Variants in DAB1 observed in about 807,000 individuals in gnomAD.
DAB1 encodes DAB adaptor protein 1.
DAB1 carries 15 observed loss-of-function variants against 64.6 expected under a neutral mutation model. The ratio of observed to expected loss-of-function variants is 0.23; its 90% CI spans 0.16 to 0.36. The LOEUF (loss-of-function observed/expected upper bound fraction) is 0.36, where lower values mean the gene tolerates loss of function less well. Ranked by LOEUF, DAB1 falls within the 10% of genes least tolerant of loss-of-function variation. The probability of loss-of-function intolerance (pLI) is 1.00; values close to 1 mark genes in which losing one functional copy is unlikely to be tolerated. For missense variants in DAB1, 596 were observed against 706.7 expected (o/e 0.84, Z 1.78); for synonymous variants, 235 against 251.9 (o/e 0.93, Z 0.64).
At chr1:57,889,100 G>A (rs1267512447) in intron 5 of DAB1, among the ~76,000 whole-genome samples, 8 of 152,110 alleles carry the variant, frequency 5.3e-5, no homozygotes, top group Non-Finnish European at 7.4e-5. Flanking sequence ...TTCCTTTCAC[G>A]AGCTTGAGTT....
chr1:58,129,552 G>A lies in DAB1; in HGVS notation n.387+20959C>T, dbSNP rs1481692601. 3.8e-5 allele frequency among the ~76,000 whole-genome samples: 5 copies of A among 133,252 alleles called. No individual in the cohort carries two copies. The East Asian group carries it at 6.8e-4, about 18-fold the overall frequency. 87.4% of individuals were successfully genotyped at this position (133,252 alleles called of 152,430 possible). A position where few individuals can be genotyped will look rare whatever the true frequency, so the allele number is the denominator to read the frequency against. ...CTAGTTCTTTTAATTGTGATGTTAC[G>A]GTGTCAATTTTGGATCTTTCCTGCT... On this transcript the variant is annotated intron_variant and non_coding_transcript_variant, in intron 5 of 20. Coordinates refer to the DAB1 transcript ENST00000485760.
rs928747507 is a variant in DAB1, at chr1:58,287,158, C to G, written n.309+56194G>C. ...ACAGGGAGGGAACACACACTGGGGC[C>G]TGTTAGGGCTGGAGGGAGGGAGAGC... is the stretch of plus-strand genomic sequence containing the variant. On this transcript the variant is annotated intron_variant and non_coding_transcript_variant, in intron 4 of 20. Transcript: ENST00000485760. Among the ~76,000 whole-genome samples the G allele has an allele frequency of 3.9e-5, 6 of 152,094 alleles. No individual in the cohort carries two copies. In the East Asian group the frequency reaches 5.8e-4, roughly 15 times the overall value.
chr1:57,645,702 T>C (rs1181117408), intron 7 of DAB1, among the ~76,000 whole-genome samples: 1 of 152,230 alleles, frequency 6.6e-6, no homozygotes, highest in East Asian at 1.9e-4. Flanking sequence ...ATTTTCCTGA[T>C]GTGAAACTGA....
At chr1:58,522,375 A>AT (rs1440695591) in intron 2 of DAB1, among the ~76,000 whole-genome samples, 1 of 152,206 alleles carries the variant, frequency 6.6e-6, no homozygotes, top group Non-Finnish European at 1.5e-5. Flanking sequence ...TATATACATA[A>AT]TTTTTTTAAA....
intron 3 of DAB1, among the ~76,000 whole-genome samples, chr1:58,374,483 T>A (rs1018036197): frequency 3.3e-5 from 5 of 151,834 alleles, no homozygotes; most frequent in African/African-American, 1.2e-4. Flanking sequence ...AAAGATCACA[T>A]AGTTGTAGGT....
At chr1:57,729,527 G>A (rs1437183558) in intron 6 of DAB1, among the ~76,000 whole-genome samples, 9 of 152,222 alleles carry the variant, frequency 5.9e-5, no homozygotes, top group Non-Finnish European at 1.2e-4. Flanking sequence ...GAACTGAGAA[G>A]CCACATAAAT....
intron 8 of DAB1, among the ~76,000 whole-genome samples, chr1:57,068,062 C>T (rs1360212793): frequency 6.6e-6 from 1 of 152,086 alleles, no homozygotes; most frequent in African/African-American, 2.4e-5. Flanking sequence ...CACCCCGCCC[C>T]CACTGCAATC....
At chr1:58,091,275 A>C (rs1411413935) in intron 5 of DAB1, among the ~76,000 whole-genome samples, 1 of 152,154 alleles carries the variant, frequency 6.6e-6, no homozygotes, top group Non-Finnish European at 1.5e-5. Context: ...AGAGCCTATA[A>C]AATGTTTGTT....
chr1:58,161,082 G>T (rs570454803), intron 4 of DAB1, among the ~76,000 whole-genome samples: 37 of 152,220 alleles, frequency 2.4e-4, no homozygotes, highest in African/African-American at 8.9e-4. Context: ...GCAGGAAGAT[G>T]GGACACAAGT....
At chr1:58,344,013 T>C (rs1643968420) in intron 3 of DAB1, among the ~76,000 whole-genome samples, 1 of 152,288 alleles carries the variant, frequency 6.6e-6, no homozygotes, top group African/African-American at 2.4e-5. Flanking sequence ...GTCTCCTTAA[T>C]GATAAAATGA....
chr1:57,853,462 T>C (rs1216780630), intron 1 of DAB1, among the ~76,000 whole-genome samples: 1 of 152,184 alleles, frequency 6.6e-6, no homozygotes, highest in Non-Finnish European at 1.5e-5. Context: ...TAAATCTACA[T>C]TGATCTTCAG....
chr1:57,687,174 C>T (rs760813869), intron 6 of DAB1, among the ~76,000 whole-genome samples: 4 of 152,170 alleles, frequency 2.6e-5, no homozygotes, highest in South Asian at 2.1e-4. Flanking sequence ...GCTACTAGAA[C>T]TGATAATTGA....
chr1:57,475,823 A>T (rs935753709), intron 7 of DAB1, among the ~76,000 whole-genome samples: 4 of 152,228 alleles, frequency 2.6e-5, no homozygotes, highest in Admixed American at 2.6e-4. Context: ...GTGTCTTGTT[A>T]TCTTCATATT....
chr1:57,947,265 G>A (rs552088127), intron 5 of DAB1, among the ~76,000 whole-genome samples: 1 of 152,212 alleles, frequency 6.6e-6, no homozygotes, highest in Non-Finnish European at 1.5e-5. Flanking sequence ...TCTCAGAGAT[G>A]ACAGCCCTGA....
chr1:58,492,847 G>A (rs963452494), intron 3 of DAB1, among the ~76,000 whole-genome samples: 6 of 152,160 alleles, frequency 3.9e-5, no homozygotes, highest in Admixed American at 1.3e-4. Context: ...ACAAGAAGGA[G>A]CTGGTACCAT....
chr1:57,181,220 A>C (rs1175590802), intron 2 of DAB1, among the ~76,000 whole-genome samples: 1 of 152,036 alleles, frequency 6.6e-6, no homozygotes, highest in Non-Finnish European at 1.5e-5. Context: ...CCAGTGGTGT[A>C]AATAAAATGT....
intron 5 of DAB1, among the ~76,000 whole-genome samples, chr1:58,063,246 G>C (rs1648618399): frequency 6.6e-6 from 1 of 152,148 alleles, no homozygotes; most frequent in Non-Finnish European, 1.5e-5. Flanking sequence ...GTAAATAACA[G>C]AATGTTAAAA....
intron 2 of DAB1, among the ~76,000 whole-genome samples, chr1:57,266,010 A>G (rs1252581997): frequency 1.3e-5 from 2 of 152,128 alleles, no homozygotes; most frequent in Non-Finnish European, 1.5e-5. Flanking sequence ...AGTGCCACAC[A>G]TGAGGCAGGC....
intron 5 of DAB1, among the ~76,000 whole-genome samples, chr1:58,085,752 C>T (rs111271930): frequency 3.3e-5 from 5 of 152,128 alleles, no homozygotes; most frequent in East Asian, 3.9e-4. Context: ...TCCCCCTACA[C>T]GCTCCAACCC....
Sources: allele counts gnomAD v4.1 joint callset (sites outside exome capture counted in the v4.1 genomes callset), GRCh38; gene constraint gnomAD v4.1.1; transcripts MANE v1.5; gene names NCBI Gene and HGNC (gene_info 2026-07-23, HGNC 2026-07-21).